The following CDYL variants were observed in gnomAD, a reference collection of about 807,000 sequenced individuals.
CDYL encodes chromodomain Y like.
In CDYL, 8 loss-of-function variants were observed where a neutral mutation model predicts 47.3. The ratio of observed to expected loss-of-function variants is 0.17; its 90% CI spans 0.10 to 0.31. The LOEUF (loss-of-function observed/expected upper bound fraction) is 0.31. Among genes scored for constraint, CDYL ranks in the 10% least tolerant of loss-of-function variants. The pLI is 1.00. For synonymous variants in CDYL, 266 were observed against 265.0 expected, an observed-to-expected ratio of 1.00 and a Z score of -0.04; for missense variants, 471 against 701.4, an observed-to-expected ratio of 0.67 and a Z score of 3.71.
intron 1 of CDYL, among the ~76,000 whole-genome samples, chr6:4,859,123 G>T (rs1401988410): frequency 1.3e-5 from 2 of 152,094 alleles, no homozygotes; most frequent in Non-Finnish European, 2.9e-5. Context: ...TTTATTGTTG[G>T]TTTGGTGGCT....
chr6:4,810,625 A>C (rs1305355966), intron 1 of CDYL, among the ~76,000 whole-genome samples: 2 of 152,216 alleles, frequency 1.3e-5, no homozygotes, highest in Non-Finnish European at 2.9e-5. Context: ...CTGTAACAAA[A>C]TACTATAAAC....
chr6:4,707,794 C>G (rs931794691), intron 1 of CDYL, among the ~76,000 whole-genome samples: 1 of 152,008 alleles, frequency 6.6e-6, no homozygotes, highest in Admixed American at 6.5e-5. Context: ...ATTAGGAAAC[C>G]TCATTTGTTT....
At chr6:4,893,694 CAAA>C (rs760685131) in intron 2 of CDYL, among the ~76,000 whole-genome samples, 13 of 103,232 alleles carry the variant, frequency 1.3e-4, no homozygotes, top group Non-Finnish European at 1.7e-4. Context: ...CTCCGTCTCC[CAAA>C]AAAAAAAAAA....
At chr6:4,874,966 C>T (rs1350792386) in intron 1 of CDYL, among the ~76,000 whole-genome samples, 3 of 152,100 alleles carry the variant, frequency 2.0e-5, no homozygotes, top group Non-Finnish European at 2.9e-5. Context: ...GGGCTGATTC[C>T]GTTTCTGGTT....
intron 1 of CDYL, among the ~76,000 whole-genome samples, chr6:4,708,145 TACACACACAC>T (rs66538207): frequency 0.55 from 82,314 of 149,358 alleles, 23,126 homozygotes; most frequent in South Asian, 0.66. Context: ...TTGTGTTGTG[TACACACACAC>T]ACACACACAC....
chr6:4,759,916 A>C (rs1758145949), intron 3 of CDYL, among the ~76,000 whole-genome samples: 1 of 128,928 alleles, frequency 7.8e-6, no homozygotes, highest in African/African-American at 2.9e-5. Flanking sequence ...AAAAAAAAAA[A>C]AAAAAAAAAG....
chr6:4,948,202 G>A (rs529088611), intron 5 of CDYL, among the ~76,000 whole-genome samples: 1 of 152,212 alleles, frequency 6.6e-6, no homozygotes, highest in Non-Finnish European at 1.5e-5. Context: ...CTGAGGTTCT[G>A]ACCCCTCCCA....
In CDYL at chr6:4,777,903, C is replaced by T. The variant is rs80124463; in HGVS notation, c.24+1096C>T. 9.4e-3 allele frequency among the ~76,000 whole-genome samples: 1,433 copies of T among 152,286 alleles called. 23 individuals are homozygous for T. Among genetic ancestry groups the T allele is most frequent in the African/African-American group, 0.033 (1,392 of 41,556 alleles). ...GCAGAAGTTCTCAGGAGGAAGCTGC[C>T]ATCTGTAGAATTAAGGGTAAGGTTG... On this transcript the variant is annotated intron_variant, in intron 1 of 6. Coordinates refer to ENST00000397588, the MANE Select transcript of CDYL (RefSeq NM_004824.4).
At chr6:4,781,910 C>G (rs1482511039) in intron 1 of CDYL, among the ~76,000 whole-genome samples, 2 of 152,168 alleles carry the variant, frequency 1.3e-5, no homozygotes, top group African/African-American at 4.8e-5. Flanking sequence ...AATTCAGATT[C>G]TTGAACCCAA....
At chr6:4,911,653 C>G (rs1282921891) in intron 2 of CDYL, among the ~76,000 whole-genome samples, 4 of 152,026 alleles carry the variant, frequency 2.6e-5, no homozygotes, top group Non-Finnish European at 5.9e-5. Flanking sequence ...TTTCTAACCC[C>G]CGCCCCTTAG....
intron 2 of CDYL, among the ~76,000 whole-genome samples, chr6:4,900,789 A>AGATATATCTATATC (rs1561697483): frequency 2.6e-4 from 12 of 46,244 alleles, no homozygotes; most frequent in African/African-American, 1.1e-3. Flanking sequence ...GTATATATAT[A>AGATATATCTATATC]TATATATATA....
At chr6:4,752,819 G>T (rs986805710) in intron 3 of CDYL, among the ~76,000 whole-genome samples, 4 of 134,464 alleles carry the variant, frequency 3.0e-5, no homozygotes, top group Non-Finnish European at 4.7e-5. Flanking sequence ...AGTCTTTCAT[G>T]TCTGCAAAGG....
intron 1 of CDYL, among the ~76,000 whole-genome samples, chr6:4,855,105 T>G (rs1459346485): frequency 6.6e-6 from 1 of 152,210 alleles, no homozygotes; most frequent in Non-Finnish European, 1.5e-5. Context: ...GATAATACGC[T>G]TAGGATTTTA....
chr6:4,872,606 C>T (rs1761507261), intron 1 of CDYL, among the ~76,000 whole-genome samples: 1 of 152,068 alleles, frequency 6.6e-6, no homozygotes, highest in Non-Finnish European at 1.5e-5. Context: ...TCTCAAACTC[C>T]TGACCTCAGG....
Position 4,955,238 on chromosome 6 carries a change from A to G in CDYL, c.*1182A>G, listed in dbSNP as rs950873461. Reference sequence around the variant, plus strand: ...TACTGATTCCAGACTCCAGATGCCTATTATTAGTTAGGCTTCTGAGCTTGC... The same window carrying G: ...TACTGATTCCAGACTCCAGATGCCTGTTATTAGTTAGGCTTCTGAGCTTGC... On this transcript the variant is annotated 3_prime_UTR_variant, in exon 7 of 7. Transcript: ENST00000397588. The G allele has an allele frequency of 6.6e-6, 1 of 152,614 alleles. No homozygotes were observed. Among genetic ancestry groups the G allele is most frequent in the African/African-American group, 2.4e-5 (1 of 41,442 alleles). 9.5% of individuals were successfully genotyped at this position (152,614 alleles called of 1,614,324 possible).
chr6:4,868,000 T>G (rs182943964), intron 1 of CDYL, among the ~76,000 whole-genome samples: 96 of 152,144 alleles, frequency 6.3e-4, no homozygotes, highest in Admixed American at 1.5e-3. Context: ...TCTCTCTTCT[T>G]TTTTTGGGTG....
At chr6:4,801,398 C>T (rs1759220803) in intron 1 of CDYL, among the ~76,000 whole-genome samples, 1 of 152,212 alleles carries the variant, frequency 6.6e-6, no homozygotes, top group Non-Finnish European at 1.5e-5. Flanking sequence ...ATTTTACCTG[C>T]AGAGGGTCAA....
At chr6:4,787,788 T>TG (rs1554098012) in intron 1 of CDYL, among the ~76,000 whole-genome samples, 4 of 141,730 alleles carry the variant, frequency 2.8e-5, no homozygotes, top group Non-Finnish European at 4.5e-5. Context: ...TTTTTTTTTT[T>TG]GGGAGACAGA....
chr6:4,718,325 C>A (rs1040394888), intron 2 of CDYL, among the ~76,000 whole-genome samples: 2 of 152,018 alleles, frequency 1.3e-5, no homozygotes, highest in Non-Finnish European at 2.9e-5. Context: ...GTTGCCCAAG[C>A]TGGAATGCAG....
Sources: gnomAD v4.1 joint callset for allele counts (sites outside exome capture counted in the v4.1 genomes callset) on GRCh38, gnomAD v4.1.1 for gene constraint, MANE v1.5 for transcripts, NCBI Gene and HGNC (gene_info 2026-07-23, HGNC 2026-07-21) for gene names.